The following PAX2 variants were observed in gnomAD, a reference collection of about 807,000 sequenced individuals.
The protein encoded by PAX2 is paired box protein Pax-2.
A neutral mutation model predicts 41.7 loss-of-function variants in PAX2; 9 were observed. The observed-to-expected ratio is 0.22, with a 90% CI of 0.13 to 0.38. The LOEUF (loss-of-function observed/expected upper bound fraction) is 0.38, where lower values mean the gene tolerates loss of function less well. Among genes scored for constraint, PAX2 ranks in the 10% least tolerant of loss-of-function variants. The probability of loss-of-function intolerance (pLI) is 1.00; values close to 1 mark genes in which losing one functional copy is unlikely to be tolerated. For missense variants in PAX2, 418 were observed against 531.6 expected (o/e 0.79, Z 2.10); for synonymous variants, 221 against 212.7 (o/e 1.04, Z -0.34).
intron 4 of PAX2, among the ~76,000 whole-genome samples, chr10:100,780,616 G>A (rs1382538108): frequency 2.0e-5 from 3 of 152,180 alleles, no homozygotes; most frequent in African/African-American, 7.2e-5. Context: ...CCCTAAGGGG[G>A]AAATTAGGAG....
chr10:100,758,838 C>T (rs116791775), intron 3 of PAX2, among the ~76,000 whole-genome samples: 2,413 of 152,360 alleles, frequency 0.016, 83 homozygotes, highest in African/African-American at 0.055. Flanking sequence ...GTAACATCCA[C>T]GCAAGTGGAA....
Position 100,750,968 on chromosome 10 carries a change from C to T in PAX2, c.410+77C>T. 1 of 1,120,308 alleles carries T rather than the reference C, an allele frequency of 8.9e-7. No homozygotes were observed. 69.4% of individuals were successfully genotyped at this position (1,120,308 alleles called of 1,614,324 possible). A position where few individuals can be genotyped will look rare whatever the true frequency, so the allele number is the denominator to read the frequency against. ...CCTGCAGGGGTGTCCCACGCCCAGT[C>T]TCTGCTCTTTGTCCAGCCTCTGCCC... On this transcript the variant is annotated intron_variant, in intron 3 of 9. Transcript: ENST00000355243. This position sits in a 1 kb window ranked among gnomAD's most constrained non-coding sequence, Gnocchi z 4.1.
Position 100,791,070 on chromosome 10 carries a change from C to T in PAX2, c.616+9705C>T, listed in dbSNP as rs1413562737. 6.6e-6 allele frequency among the ~76,000 whole-genome samples: 1 copy of T among 152,224 alleles called. No homozygotes were observed. Among genetic ancestry groups the T allele is most frequent in the African/African-American group, 2.4e-5 (1 of 41,452 alleles). On this transcript the variant is annotated intron_variant, in intron 5 of 9. Transcript: ENST00000355243. This position sits in a 1 kb window ranked among gnomAD's most constrained non-coding sequence, Gnocchi z 4.5. ...CCTGCACGGAGGCCTGGCCTTCCCT[C>T]CCTCCCATTCTTGGAGCCCTGTGGC...
Position 100,810,833 on chromosome 10 carries a change from C to T in PAX2, c.919+1597C>T, listed in dbSNP as rs566137410. On this transcript the variant is annotated intron_variant, in intron 7 of 9. Transcript: ENST00000355243. ...CCCAGGGGCTGGTACAGAGAAGTGC[C>T]TCCACCTTGAGCAGCCCCCACCCGC... 2.6e-5 allele frequency among the ~76,000 whole-genome samples: 4 copies of T among 152,298 alleles called. No homozygotes were observed. The South Asian group carries it at 6.2e-4, about 24-fold the overall frequency.
upstream of PAX2, among the ~76,000 whole-genome samples, chr10:100,745,343 G>GCTCC (rs1184514145): frequency 8.8e-5 from 13 of 147,572 alleles, no homozygotes; most frequent in South Asian, 4.3e-4. Context: ...TTCGCCGGCT[G>GCTCC]CTCCCTCCCT....
intron 5 of PAX2, among the ~76,000 whole-genome samples, chr10:100,787,742 G>T (rs1846927759): frequency 6.6e-6 from 1 of 152,108 alleles, no homozygotes; most frequent in African/African-American, 2.4e-5. Flanking sequence ...ATGTGATCGG[G>T]CACTGGCTGG....
At chr10:100,737,757 C>A (rs1057444341) in intron 1 of PAX2, among the ~76,000 whole-genome samples, 2 of 152,230 alleles carry the variant, frequency 1.3e-5, no homozygotes, top group African/African-American at 4.8e-5. Flanking sequence ...CCCCCCTAGA[C>A]GGCCCCGAGC....
At chr10:100,787,366 A>G (rs1325589693) in intron 5 of PAX2, among the ~76,000 whole-genome samples, 3 of 152,168 alleles carry the variant, frequency 2.0e-5, no homozygotes, top group Admixed American at 1.3e-4. Context: ...TCACAGCCCA[A>G]GTTTTTTCCT....
Position 100,748,498 on chromosome 10 carries a change from C to G in PAX2, c.44-1248C>G. ...CGCTTTCTCCGAAACTCGCGTGAGG[C>G]TAGCGGGGCAGGGGCTGCAGCTTGC... On this transcript the variant is annotated intron_variant, in intron 1 of 9. Coordinates refer to ENST00000355243, the MANE Select transcript of PAX2 (RefSeq NM_000278.5). This position sits in a 1 kb window ranked among gnomAD's most constrained non-coding sequence, Gnocchi z 5.0. 1 of 985,316 alleles carries G rather than the reference C, an allele frequency of 1.0e-6. No homozygotes were observed. The highest frequency in any genetic ancestry group is 1.2e-6 in the Non-Finnish European group (1 of 829,902). The allele number at this position is 985,316 out of a possible 1,614,324, so 61.0% of individuals were successfully genotyped here. A position where few individuals can be genotyped will look rare whatever the true frequency, so the allele number is the denominator to read the frequency against.
Position 100,827,059 on chromosome 10 carries a change from A to T in PAX2, c.1072A>T (p.Asn358Tyr). ...CAGCCACCCCCAGTACACGGCCTAC[A>T]ACGAGGCTTGGAGATTCAGCAACCC... ...PYSHPQYTAY[N>Y]EAWRFSNPAL... The change falls in exon 9 of 10, where the codon AAC becomes TAC. Residue 358 changes from asparagine (N) to tyrosine (Y), a missense_variant. Physicochemically the swap from Asn to Tyr is moderately radical, Grantham distance 143. Around this residue, in one of 2 missense-constraint regions of PAX2, gnomAD observed 310 missense variants for 325.2 expected, o/e 0.95. Transcript: ENST00000355243. The surrounding 1 kb of genome is among the most constrained non-coding windows in gnomAD (Gnocchi z 8.5). 1 of 1,613,660 alleles carries T rather than the reference A, an allele frequency of 6.2e-7. No homozygotes were observed.
intron 5 of PAX2, among the ~76,000 whole-genome samples, chr10:100,804,095 A>T (rs764081320): frequency 5.9e-5 from 9 of 152,162 alleles, no homozygotes; most frequent in Admixed American, 2.6e-4. Flanking sequence ...AGATCAGGCA[A>T]TCAATAGGGG....
chr10:100,766,759 T>C (rs1846044756), intron 3 of PAX2, among the ~76,000 whole-genome samples: 1 of 152,154 alleles, frequency 6.6e-6, no homozygotes. Flanking sequence ...AGCTAAAGGA[T>C]GGATCCTCTC....
At chr10:100,766,720 C>A (rs1424863606) in intron 3 of PAX2, among the ~76,000 whole-genome samples, 1 of 152,158 alleles carries the variant, frequency 6.6e-6, no homozygotes, top group African/African-American at 2.4e-5. Flanking sequence ...AGCAGCAGTG[C>A]AAATGACCAG....
At chr10:100,819,615 G>A (rs1032629297) in intron 7 of PAX2, among the ~76,000 whole-genome samples, 2 of 152,156 alleles carry the variant, frequency 1.3e-5, no homozygotes, top group Non-Finnish European at 2.9e-5. Flanking sequence ...TCATAGGGTT[G>A]ATATGAAGAT....
At chr10:100,746,675 A>T (rs1350452993) in intron 1 of PAX2, among the ~76,000 whole-genome samples, 1 of 152,130 alleles carries the variant, frequency 6.6e-6, no homozygotes, top group East Asian at 1.9e-4. Context: ...ATTAGCAGGC[A>T]GTTTTCAGGG....
In PAX2 at chr10:100,827,027, A is replaced by G; in HGVS notation, c.1040A>G (p.Asn347Ser). ...GMVPGSEFSG[N>S]PYSHPQYTAY... ...CCCGCAGGGAGCGAGTTCTCCGGCA[A>G]CCCGTACAGCCACCCCCAGTACACG... The change falls in exon 9 of 10, where the codon AAC (asparagine) becomes AGC (serine). Residue 347 changes from asparagine to serine, a missense_variant. Physicochemically the swap from Asn to Ser is conservative, Grantham distance 46. This residue lies in a region of PAX2 where 310 missense variants were observed against 325.2 expected (regional missense o/e 0.95). Transcript: ENST00000355243. This position sits in a 1 kb window ranked among gnomAD's most constrained non-coding sequence, Gnocchi z 8.5. The G allele has an allele frequency of 6.2e-7, 1 of 1,613,424 alleles. No homozygotes were observed. Among genetic ancestry groups the G allele is most frequent in the Non-Finnish European group, 8.5e-7 (1 of 1,179,432 alleles).
At chr10:100,737,308 T>C (rs1844804740) in intron 1 of PAX2, among the ~76,000 whole-genome samples, 1 of 152,100 alleles carries the variant, frequency 6.6e-6, no homozygotes, top group African/African-American at 2.4e-5. Flanking sequence ...TCAGGGTCCT[T>C]ATTCCAAATT....
intron 5 of PAX2, among the ~76,000 whole-genome samples, chr10:100,806,146 C>A (rs1847773250): frequency 1.3e-5 from 2 of 152,144 alleles, no homozygotes; most frequent in Admixed American, 1.3e-4. Flanking sequence ...CCTGGGAGCC[C>A]CCTGGCTCCA....
chr10:100,812,773 T>C (rs761922526), intron 7 of PAX2, among the ~76,000 whole-genome samples: 1 of 152,176 alleles, frequency 6.6e-6, no homozygotes, highest in Non-Finnish European at 1.5e-5. Flanking sequence ...AGATGAGAAC[T>C]TACTCCAGGA....
Sources: allele counts gnomAD v4.1 joint callset (sites outside exome capture counted in the v4.1 genomes callset), GRCh38; gene constraint gnomAD v4.1.1; regional missense constraint gnomAD v4.1.1; non-coding constraint Gnocchi (gnomAD v3.1); transcripts MANE v1.5; gene names NCBI Gene and HGNC (gene_info 2026-07-23, HGNC 2026-07-21).